KCNIP4: variants seen among roughly 807,000 people sequenced by gnomAD.
The protein encoded by KCNIP4 is Kv channel-interacting protein 4.
A neutral mutation model predicts 34.0 loss-of-function variants in KCNIP4; 12 were observed. The observed-to-expected ratio is 0.35, with a 90% CI of 0.23 to 0.57. KCNIP4 has a LOEUF of 0.57. Among genes scored for constraint, KCNIP4 ranks in the 20% least tolerant of loss-of-function variants. KCNIP4 has a pLI of 0.83. For synonymous variants in KCNIP4, 124 were observed against 102.2 expected, an observed-to-expected ratio of 1.21 and a Z score of -1.29; for missense variants, 238 against 311.7, an observed-to-expected ratio of 0.76 and a Z score of 1.78.
At chr4:21,203,489 G>A (rs548519117) in intron 1 of KCNIP4, among the ~76,000 whole-genome samples, 1 of 152,292 alleles carries the variant, frequency 6.6e-6, no homozygotes. Flanking sequence ...TTCCAACTGA[G>A]AACAGCCAGG....
At position 21,347,409 on chromosome 4, in the gene KCNIP4, C is replaced by G. The variant is rs80289898; in HGVS notation, c.62-464700G>C. ...CTGGTGAGGTGAGAGCTGGGAATTA[C>G]TCTGTCTGCTCTCTTCCTCCCACCC... On this transcript the variant is annotated intron_variant, in intron 1 of 8. Transcript: ENST00000382152. Among the ~76,000 whole-genome samples, 107 of 152,316 alleles carry G rather than the reference C, an allele frequency of 7.0e-4. 2 individuals are homozygous for G. In the East Asian group the frequency reaches 0.02, roughly 29 times the overall value.
intron 1 of KCNIP4, among the ~76,000 whole-genome samples, chr4:20,956,720 A>C (rs1733346715): frequency 6.6e-6 from 1 of 152,208 alleles, no homozygotes; most frequent in Non-Finnish European, 1.5e-5. Flanking sequence ...TGGTTTTTAA[A>C]TTTGACTTTA....
intron 1 of KCNIP4, among the ~76,000 whole-genome samples, chr4:21,233,479 T>C (rs1216631282): frequency 6.6e-6 from 1 of 151,878 alleles, no homozygotes; most frequent in East Asian, 1.9e-4. Flanking sequence ...ATTTATAGAA[T>C]TGTTGCCAGG....
At chr4:21,699,095 A>C (rs1712621041) in intron 1 of KCNIP4, among the ~76,000 whole-genome samples, 1 of 152,312 alleles carries the variant, frequency 6.6e-6, no homozygotes, top group South Asian at 2.1e-4. Flanking sequence ...GGCATCCCTA[A>C]GTTTGAAATA....
At chr4:21,145,686 C>G (rs1327710029) in intron 1 of KCNIP4, among the ~76,000 whole-genome samples, 1 of 152,218 alleles carries the variant, frequency 6.6e-6, no homozygotes, top group African/African-American at 2.4e-5. Flanking sequence ...GCTTTTCTCT[C>G]TGTGCAGCTA....
chr4:21,083,958 T>C (rs1045499384), intron 1 of KCNIP4, among the ~76,000 whole-genome samples: 2 of 151,840 alleles, frequency 1.3e-5, no homozygotes, highest in African/African-American at 4.9e-5. Flanking sequence ...CACAAATCTA[T>C]AAAGCTCCTG....
Position 21,248,060 on chromosome 4 carries a change from A to ATGTGTGTGTGTGTG in KCNIP4, c.62-365365_62-365352dup, listed in dbSNP as rs111240655. Reference sequence around the variant, plus strand: ...CACCACAGGTGGAGCATATATATATATGTGTGTGTGTGTGTGTGTTCTGCA... The same window carrying ATGTGTGTGTGTGTG: ...CACCACAGGTGGAGCATATATATATATGTGTGTGTGTGTGTGTGTGTGTGTGTGTGTGTTCTGCA... On this transcript the variant is annotated intron_variant, in intron 1 of 8. Coordinates refer to ENST00000382152, the MANE Select transcript of KCNIP4 (RefSeq NM_025221.6). Among the ~76,000 whole-genome samples, 626 of 145,348 alleles carry ATGTGTGTGTGTGTG rather than the reference A, an allele frequency of 4.3e-3. 9 individuals are homozygous for ATGTGTGTGTGTGTG. Among genetic ancestry groups the ATGTGTGTGTGTGTG allele is most frequent in the African/African-American group, 0.015 (586 of 39,056 alleles).
At chr4:21,250,217 T>TAAA (rs34472391) in intron 1 of KCNIP4, among the ~76,000 whole-genome samples, 4 of 140,538 alleles carry the variant, frequency 2.8e-5, no homozygotes, top group Admixed American at 1.4e-4. Flanking sequence ...TTAGGACTGT[T>TAAA]AAAAAAAAAA....
At chr4:21,486,255 C>G (rs2109847921) in intron 1 of KCNIP4, among the ~76,000 whole-genome samples, 1 of 152,152 alleles carries the variant, frequency 6.6e-6, no homozygotes, top group South Asian at 2.1e-4. Context: ...TTGTTCAGTT[C>G]TTTTTTGGAA....
intron 1 of KCNIP4, among the ~76,000 whole-genome samples, chr4:21,254,513 C>T (rs772348121): frequency 2.6e-5 from 4 of 152,142 alleles, no homozygotes; most frequent in African/African-American, 7.2e-5. Context: ...CCAAGTTATT[C>T]TTATGCATTT....
intron 1 of KCNIP4, among the ~76,000 whole-genome samples, chr4:21,897,740 C>T (rs6832529): frequency 1.1e-3 from 171 of 152,220 alleles, no homozygotes; most frequent in African/African-American, 4.0e-3. Context: ...TTGTCTTCCC[C>T]ACAGGAACTC....
At chr4:21,526,787 ATAT>A (rs993555155) in intron 1 of KCNIP4, among the ~76,000 whole-genome samples, 2 of 152,180 alleles carry the variant, frequency 1.3e-5, no homozygotes, top group African/African-American at 4.8e-5. Flanking sequence ...TTTTAAGGAA[ATAT>A]TATTAAAGAA....
intron 1 of KCNIP4, among the ~76,000 whole-genome samples, chr4:21,767,047 A>T (rs182202009): frequency 6.6e-6 from 1 of 152,306 alleles, no homozygotes; most frequent in African/African-American, 2.4e-5. Flanking sequence ...AGAGAACACA[A>T]GAAAGGGAGT....
At chr4:21,111,853 C>T (rs965558659) in intron 1 of KCNIP4, among the ~76,000 whole-genome samples, 3 of 152,172 alleles carry the variant, frequency 2.0e-5, no homozygotes, top group East Asian at 1.9e-4. Flanking sequence ...TCCATATAGT[C>T]CTGCCAGGTC....
intron 1 of KCNIP4, among the ~76,000 whole-genome samples, chr4:21,907,551 G>T (rs1007512696): frequency 6.6e-6 from 1 of 152,114 alleles, no homozygotes; most frequent in African/African-American, 2.4e-5. Context: ...ATGCACAATT[G>T]TAAAAATAAC....
intron 1 of KCNIP4, among the ~76,000 whole-genome samples, chr4:21,869,886 G>A (rs1037137465): frequency 1.3e-5 from 2 of 152,092 alleles, no homozygotes; most frequent in African/African-American, 4.8e-5. Context: ...GCCTGGCTTA[G>A]GCAATGAGGT....
chr4:20,790,862 A>G (rs1712663279), intron 3 of KCNIP4, among the ~76,000 whole-genome samples: 1 of 152,192 alleles, frequency 6.6e-6, no homozygotes, highest in Non-Finnish European at 1.5e-5. Flanking sequence ...TCCAAGTGCC[A>G]TTTGGATTAT....
At chr4:20,898,156 T>C (rs1726765501) in intron 1 of KCNIP4, among the ~76,000 whole-genome samples, 1 of 152,142 alleles carries the variant, frequency 6.6e-6, no homozygotes, top group Admixed American at 6.5e-5. Flanking sequence ...GCCTTTGGAC[T>C]CCAGAACTTA....
At chr4:21,753,415 A>G (rs564011962) in intron 1 of KCNIP4, among the ~76,000 whole-genome samples, 11 of 152,338 alleles carry the variant, frequency 7.2e-5, no homozygotes, top group African/African-American at 2.4e-4. Context: ...CATGGAAGAT[A>G]CCATGTTTAA....
Sources: allele counts gnomAD v4.1 joint callset (sites outside exome capture counted in the v4.1 genomes callset), GRCh38; gene constraint gnomAD v4.1.1; transcripts MANE v1.5; gene names NCBI Gene and HGNC (gene_info 2026-07-23, HGNC 2026-07-21).